Variants in KCTD17 observed in about 807,000 individuals in gnomAD.
KCTD17 encodes potassium channel tetramerization domain containing 17, also known as BTB/POZ domain-containing protein KCTD17.
KCTD17 carries 20 observed loss-of-function variants against 41.5 expected under a neutral mutation model. The ratio of observed to expected loss-of-function variants is 0.48; its 90% confidence interval spans 0.34 to 0.70. The LOEUF (loss-of-function observed/expected upper bound fraction) is 0.70, where lower values mean the gene tolerates loss of function less well. Ranked by LOEUF, KCTD17 falls within the 30% of genes least tolerant of loss-of-function variation. KCTD17 has a pLI of 0.01. For missense variants in KCTD17, 317 were observed against 427.2 expected (o/e 0.74, Z 2.27); for synonymous variants, 156 against 173.8 (o/e 0.90, Z 0.80).
chr22:37,061,639 T>A lies in KCTD17; in HGVS notation c.875+10T>A, dbSNP rs1331359809. 3 of 1,592,022 alleles carry A rather than the reference T, an allele frequency of 1.9e-6. No individual in the cohort carries two copies. The Admixed American group carries it at 5.1e-5, about 27-fold the overall frequency. On this transcript the variant is annotated intron_variant, in intron 8 of 8. Coordinates refer to ENST00000403888, the MANE Select transcript of KCTD17 (RefSeq NM_001282684.2). This position sits in a 1 kb window ranked among gnomAD's most constrained non-coding sequence, Gnocchi z 6.6. ...AGAGCTGCCATCCCTGGTTTGTAGC[T>A]TGGCGGTGCTGGAGGGAGGGGTGGA... is the stretch of plus-strand genomic sequence containing the variant.
chr22:37,058,929 G>T (rs1289673641), intron 4 of KCTD17, among the ~76,000 whole-genome samples: 1 of 152,232 alleles, frequency 6.6e-6, no homozygotes, highest in Non-Finnish European at 1.5e-5. Context: ...TTGTCCTGGG[G>T]CTGTGTCAGC....
chr22:37,056,926 C>T (rs1264099812), intron 3 of KCTD17, among the ~76,000 whole-genome samples: 1 of 151,954 alleles, frequency 6.6e-6, no homozygotes, highest in Non-Finnish European at 1.5e-5. Flanking sequence ...TTTCCGCCTA[C>T]TCTGGGGGAT....
At position 37,062,721 on chromosome 22, in the gene KCTD17, C is replaced by T; in HGVS notation, c.*127C>T. On this transcript the variant is annotated 3_prime_UTR_variant, in exon 9 of 9. Coordinates refer to ENST00000403888, the MANE Select transcript of KCTD17 (RefSeq NM_001282684.2). ...TCCTGCCTCCAGGGGCGGGGCGGGG[C>T]CCCCCTGGGACCTCTTAAGGCCCAA... 1 of 1,499,454 alleles carries T rather than the reference C, an allele frequency of 6.7e-7. No homozygotes were observed. Among genetic ancestry groups the T allele is most frequent in the Non-Finnish European group, 8.9e-7 (1 of 1,125,162 alleles). The allele number at this position is 1,499,454 out of a possible 1,614,324, so 92.9% of individuals were successfully genotyped here. A position where few individuals can be genotyped will look rare whatever the true frequency, so the allele number is the denominator to read the frequency against.
Position 37,051,750 on chromosome 22 carries a change from C to G in KCTD17, c.-11C>G, listed in dbSNP as rs901141352. The G allele has an allele frequency of 1.7e-5, 21 of 1,218,646 alleles. No homozygotes were observed. In the African/African-American group the frequency reaches 3.1e-4, roughly 18 times the overall value. The allele number at this position is 1,218,646 out of a possible 1,614,324, so 75.5% of individuals were successfully genotyped here. A position where few individuals can be genotyped will look rare whatever the true frequency, so the allele number is the denominator to read the frequency against. On this transcript the variant is annotated 5_prime_UTR_variant, in exon 1 of 9. Transcript: ENST00000403888. The stretch of plus-strand genomic sequence containing the variant: ...GCGCCCGGGAGGAGGATGCAGACGC[C>G]GCGGCCGGCGATGAGGATGGAGGCC...
At chr22:37,056,665 C>T (rs1190263598) in intron 3 of KCTD17, among the ~76,000 whole-genome samples, 1 of 152,176 alleles carries the variant, frequency 6.6e-6, no homozygotes, top group Non-Finnish European at 1.5e-5. Flanking sequence ...GGCTCGCCCT[C>T]TCCGGACCTT....
In KCTD17 at chr22:37,055,668, T is replaced by C. The variant is rs138419814; in HGVS notation, c.299-652T>C. Among the ~76,000 whole-genome samples, 182 of 152,292 alleles carry C rather than the reference T, an allele frequency of 1.2e-3. 1 individual carries two copies. The highest frequency in any genetic ancestry group is 1.5e-3 in the Non-Finnish European group (104 of 68,008). ...GTAATGCCTGCTCTCCTCATATCCC[T>C]GGACTTGTGATGAGCTCGTGCAGGG... On this transcript the variant is annotated intron_variant, in intron 2 of 8. Coordinates refer to ENST00000403888, the MANE Select transcript of KCTD17 (RefSeq NM_001282684.2).
chr22:37,057,128 C>A (rs1407712623), intron 3 of KCTD17, among the ~76,000 whole-genome samples: 1 of 152,154 alleles, frequency 6.6e-6, no homozygotes, highest in African/African-American at 2.4e-5. Flanking sequence ...GCTGGGTGAC[C>A]TTGGGCAAGT....
chr22:37,052,258 C>G (rs1042463034), intron 1 of KCTD17: 2 of 414,490 alleles, frequency 4.8e-6, no homozygotes, highest in Non-Finnish European at 9.1e-6. Context: ...TTTCCTCCCT[C>G]CCAAAGGGGA....
At chr22:37,062,426 T>A in intron 8 of KCTD17, 99 bp from the exon 9 acceptor site, 1 of 714,606 alleles carries the variant, frequency 1.4e-6, no homozygotes, top group Non-Finnish European at 1.8e-6. Flanking sequence ...CCCCCACCCG[T>A]CAATCTCCTC....
chr22:37,051,765 G>C lies in KCTD17; in HGVS notation c.5G>C (p.Arg2Thr), dbSNP rs1924499850. 8.1e-7 allele frequency: 1 copy of C among 1,234,320 alleles called. No homozygotes were observed. The highest frequency in any genetic ancestry group is 1.0e-6 in the Non-Finnish European group (1 of 989,714). The allele number at this position is 1,234,320 out of a possible 1,614,324, so 76.5% of individuals were successfully genotyped here. The change falls in exon 1 of 9, where the codon AGG (arginine) becomes ACG (threonine). Residue 2 changes from arginine to threonine, a missense_variant. Arg to Thr is a moderately conservative substitution (Grantham distance 71). Coordinates refer to ENST00000403888, the MANE Select transcript of KCTD17 (RefSeq NM_001282684.2). M[R>T]MEAGEAAPPA... is the part of the protein sequence containing the mutation. ...ATGCAGACGCCGCGGCCGGCGATGA[G>C]GATGGAGGCCGGGGAGGCAGCGCCG...
chr22:37,053,269 G>A lies in KCTD17; in HGVS notation c.298+61G>A. 7.7e-7 allele frequency: 1 copy of A among 1,303,088 alleles called. No individual in the cohort carries two copies. The highest frequency in any genetic ancestry group is 1.1e-6 in the Non-Finnish European group (1 of 924,426). 80.7% of individuals were successfully genotyped at this position (1,303,088 alleles called of 1,614,324 possible). On this transcript the variant is annotated intron_variant, in intron 2 of 8. Transcript: ENST00000403888. The surrounding 1 kb of genome is among the most constrained non-coding windows in gnomAD (Gnocchi z 4.1). The stretch of plus-strand genomic sequence containing the variant: ...CAGCCTGCCAGGGCCCTCTGTGGAG[G>A]CCCCAAGCCATTTGGACAACCAGGA...
chr22:37,057,996 G>C (rs924074513), intron 4 of KCTD17, among the ~76,000 whole-genome samples: 64 of 152,372 alleles, frequency 4.2e-4, no homozygotes, highest in African/African-American at 1.5e-3. Flanking sequence ...GCCTTCCCAT[G>C]AGGTCTTTAT....
At chr22:37,060,991 C>T in intron 6 of KCTD17, 69 bp downstream of exon 6, 1 of 1,543,522 alleles carries the variant, frequency 6.5e-7, no homozygotes, top group Non-Finnish European at 8.8e-7. Context: ...CTTGCTGGAG[C>T]CAGCTGCAGA....
chr22:37,058,991 GA>G (rs1435173459), intron 4 of KCTD17, among the ~76,000 whole-genome samples: 1 of 152,236 alleles, frequency 6.6e-6, no homozygotes, highest in African/African-American at 2.4e-5. Context: ...CCTGCATTTA[GA>G]AAAGGGCCCC....
chr22:37,059,441 G>A lies in KCTD17; in HGVS notation c.612+3G>A. The A allele has an allele frequency of 6.2e-7, 1 of 1,605,492 alleles. No individual in the cohort carries two copies. Among genetic ancestry groups the A allele is most frequent in the Non-Finnish European group, 8.5e-7 (1 of 1,177,106 alleles). ...CAGAGTCCAGCCGCAAAACCAAGGTGAGCCCACCCGCCTCAGCCTGTGTCC... is the reference window on the plus strand; with the variant it reads ...CAGAGTCCAGCCGCAAAACCAAGGTAAGCCCACCCGCCTCAGCCTGTGTCC... On this transcript the variant is annotated splice_donor_region_variant and intron_variant, in intron 5 of 8. Transcript: ENST00000403888.
In KCTD17 at chr22:37,053,086, C is replaced by A; in HGVS notation, c.190-14C>A. 6.4e-7 allele frequency: 1 copy of A among 1,565,240 alleles called. No homozygotes were observed. Among genetic ancestry groups the A allele is most frequent in the Non-Finnish European group, 8.7e-7 (1 of 1,152,662 alleles). On this transcript the variant is annotated splice_polypyrimidine_tract_variant and intron_variant, in intron 1 of 8. Coordinates refer to ENST00000403888, the MANE Select transcript of KCTD17 (RefSeq NM_001282684.2). This position sits in a 1 kb window ranked among gnomAD's most constrained non-coding sequence, Gnocchi z 4.1. ...CCTCACTCTTCTCTCACCGAGCATC[C>A]CTCACCTCCATAGGATGAGACCGGG... is the stretch of plus-strand genomic sequence containing the variant.
chr22:37,053,753 G>A lies in KCTD17; in HGVS notation c.298+545G>A, dbSNP rs1158992179. On this transcript the variant is annotated intron_variant, in intron 2 of 8. Transcript: ENST00000403888. This position sits in a 1 kb window ranked among gnomAD's most constrained non-coding sequence, Gnocchi z 4.1. ...GAGAGGGGGGAGTCTGCTTCCCAGT[G>A]GGGCTTTGGTTATCCCCAGGCCTAG... 6.6e-6 allele frequency among the ~76,000 whole-genome samples: 1 copy of A among 152,172 alleles called. No individual in the cohort carries two copies. The highest frequency in any genetic ancestry group is 1.5e-5 in the Non-Finnish European group (1 of 68,022).
chr22:37,062,179 C>T, intron 8 of KCTD17: 1 of 985,376 alleles, frequency 1.0e-6, no homozygotes, highest in Non-Finnish European at 1.2e-6. Flanking sequence ...GGCATCAGTG[C>T]CTCTCCCAGC....
Position 37,053,337 on chromosome 22 carries a change from G to A in KCTD17, c.298+129G>A, listed in dbSNP as rs773393998. On this transcript the variant is annotated intron_variant, in intron 2 of 8. Coordinates refer to ENST00000403888, the MANE Select transcript of KCTD17 (RefSeq NM_001282684.2). This position sits in a 1 kb window ranked among gnomAD's most constrained non-coding sequence, Gnocchi z 4.1. ...GGTTGTTTCCTGCCTCTTCCCAGTC[G>A]GACGGGGCTGATTCCCAAGCATCTG... 1.4e-5 allele frequency: 10 copies of A among 709,282 alleles called. No individual in the cohort carries two copies. Among genetic ancestry groups the A allele is most frequent in the South Asian group, 8.5e-5 (5 of 59,046 alleles). The allele number at this position is 709,282 out of a possible 1,614,324, so 43.9% of individuals were successfully genotyped here. A position where few individuals can be genotyped will look rare whatever the true frequency, so the allele number is the denominator to read the frequency against.
Sources: allele counts gnomAD v4.1 joint callset (sites outside exome capture counted in the v4.1 genomes callset), GRCh38; gene constraint gnomAD v4.1.1; non-coding constraint Gnocchi (gnomAD v3.1); transcripts MANE v1.5; gene names NCBI Gene and HGNC (gene_info 2026-07-23, HGNC 2026-07-21).